Variants in PRKAR1B observed in about 807,000 individuals in gnomAD.
The protein encoded by PRKAR1B is protein kinase cAMP-dependent type I regulatory subunit beta, also known as cAMP-dependent protein kinase type I-beta regulatory subunit.
In PRKAR1B, 22 loss-of-function variants were observed where a neutral mutation model predicts 46.5. That is an observed-to-expected ratio of 0.47 (90% CI 0.34 to 0.68). The LOEUF (loss-of-function observed/expected upper bound fraction) is 0.68, where lower values mean the gene tolerates loss of function less well. PRKAR1B is among the 30% of genes least tolerant of loss of function. The pLI is 0.01. For missense variants in PRKAR1B, 445 were observed against 535.6 expected (o/e 0.83, Z 1.67); for synonymous variants, 259 against 217.7 (o/e 1.19, Z -1.67).
intron 2 of PRKAR1B, among the ~76,000 whole-genome samples, chr7:682,857 T>C (rs962239201): frequency 1.3e-5 from 2 of 152,152 alleles, no homozygotes; most frequent in South Asian, 2.1e-4. Flanking sequence ...TTCACCTTGG[T>C]CACTCATGCC....
At position 623,365 on chromosome 7, in the gene PRKAR1B, A is replaced by G. The variant is rs183108024; in HGVS notation, c.441-15913T>C. ...GGTAACAACAATTCTCTCTCTGGCC[A>G]AACTTTAGTCAGGTTCCAGAACCTT... On this transcript the variant is annotated intron_variant, in intron 4 of 10. Transcript: ENST00000537384. 5.3e-5 allele frequency among the ~76,000 whole-genome samples: 8 copies of G among 152,314 alleles called. No individual in the cohort carries two copies. The East Asian group carries it at 5.8e-4, about 11-fold the overall frequency.
At chr7:600,702 G>C (rs1035660900) in intron 6 of PRKAR1B, among the ~76,000 whole-genome samples, 1 of 152,146 alleles carries the variant, frequency 6.6e-6, no homozygotes, top group East Asian at 1.9e-4. Context: ...TGGGGACGTC[G>C]TGATGCCTGG....
At chr7:660,696 A>G (rs1418963179) in intron 4 of PRKAR1B, among the ~76,000 whole-genome samples, 126 of 64,102 alleles carry the variant, frequency 2.0e-3, no homozygotes, top group Admixed American at 3.5e-3. Context: ...CACCCCAACA[A>G]ATCCAAATAC....
chr7:611,823 G>A (rs1680750819), intron 4 of PRKAR1B, among the ~76,000 whole-genome samples: 1 of 149,922 alleles, frequency 6.7e-6, no homozygotes, highest in African/African-American at 2.5e-5. Flanking sequence ...GAACAGGTGG[G>A]TGAGCGGATG....
At chr7:609,069 G>T (rs1782318322) in intron 4 of PRKAR1B, among the ~76,000 whole-genome samples, 1 of 150,706 alleles carries the variant, frequency 6.6e-6, no homozygotes, top group Admixed American at 6.6e-5. Context: ...GGGTGGCAGG[G>T]CTGTAGGGAG....
At chr7:620,310 C>T (rs1004046736) in intron 4 of PRKAR1B, among the ~76,000 whole-genome samples, 3 of 152,202 alleles carry the variant, frequency 2.0e-5, no homozygotes, top group South Asian at 4.1e-4. Flanking sequence ...CTATTCAGAT[C>T]GTGTTTTATG....
intron 9 of PRKAR1B, among the ~76,000 whole-genome samples, chr7:567,885 G>A (rs970505697): frequency 9.2e-5 from 14 of 152,084 alleles, no homozygotes; most frequent in Non-Finnish European, 1.5e-4. Context: ...GGAGAGGGGG[G>A]TGGGGAGTGT....
At chr7:652,008 G>A (rs1784926991) in intron 4 of PRKAR1B, among the ~76,000 whole-genome samples, 1 of 81,474 alleles carries the variant, frequency 1.2e-5, no homozygotes, top group Non-Finnish European at 2.4e-5. Context: ...CTAGGAACCT[G>A]GGGAAACCCC....
chr7:570,374 C>CG (rs1041811868), intron 9 of PRKAR1B, among the ~76,000 whole-genome samples: 1 of 152,168 alleles, frequency 6.6e-6, no homozygotes. Context: ...TCAAGGAGCT[C>CG]GGGGGGCCTG....
chr7:561,126 CACACAA>C (rs1000036084), intron 9 of PRKAR1B, among the ~76,000 whole-genome samples: 9 of 149,032 alleles, frequency 6.0e-5, no homozygotes, highest in African/African-American at 2.0e-4. Context: ...CACACACAGG[CACACAA>C]ACACACACAC....
At chr7:652,532 C>T (rs548550341) in intron 4 of PRKAR1B, among the ~76,000 whole-genome samples, 36 of 152,212 alleles carry the variant, frequency 2.4e-4, no homozygotes, top group Non-Finnish European at 4.4e-4. Context: ...AAACCCCTCT[C>T]GGAAGAAAGT....
chr7:645,789 C>T (rs1175378501), intron 4 of PRKAR1B, among the ~76,000 whole-genome samples: 2 of 152,052 alleles, frequency 1.3e-5, no homozygotes, highest in South Asian at 2.1e-4. Flanking sequence ...GGGAGGGGAC[C>T]GTGAGGTCAG....
intron 4 of PRKAR1B, 61 bp from the exon 5 acceptor site, chr7:607,513 C>T (rs1782164610): frequency 1.4e-6 from 2 of 1,392,082 alleles, no homozygotes; most frequent in East Asian, 2.3e-5. Flanking sequence ...TAAACCCTTC[C>T]TCCCCTCATT....
At chr7:580,397 A>G (rs929775177) in intron 8 of PRKAR1B, among the ~76,000 whole-genome samples, 6 of 120,624 alleles carry the variant, frequency 5.0e-5, no homozygotes, top group African/African-American at 2.0e-4. Flanking sequence ...CTACTAAAAT[A>G]CAAAAAAAAT....
At chr7:609,457 T>C (rs1229382377) in intron 4 of PRKAR1B, among the ~76,000 whole-genome samples, 1 of 152,020 alleles carries the variant, frequency 6.6e-6, no homozygotes, top group Non-Finnish European at 1.5e-5. Flanking sequence ...CTGTCCAGCA[T>C]CACAGCTGCG....
chr7:577,329 C>A (rs540886376), intron 9 of PRKAR1B, among the ~76,000 whole-genome samples: 28 of 152,338 alleles, frequency 1.8e-4, no homozygotes, highest in African/African-American at 6.5e-4. Context: ...TCACTGCCCA[C>A]AGCTGCGGGT....
chr7:561,683 A>G (rs1398764744), intron 9 of PRKAR1B, among the ~76,000 whole-genome samples: 1 of 152,264 alleles, frequency 6.6e-6, no homozygotes, highest in African/African-American at 2.4e-5. Context: ...CCTCGGGACG[A>G]CAGCGAAAAC....
At chr7:595,768 G>A (rs763868141) in intron 7 of PRKAR1B, among the ~76,000 whole-genome samples, 2 of 152,222 alleles carry the variant, frequency 1.3e-5, no homozygotes, top group Non-Finnish European at 2.9e-5. Context: ...CAGGAAGCCC[G>A]TGGGTGAGCA....
intron 6 of PRKAR1B, among the ~76,000 whole-genome samples, chr7:605,160 A>T (rs1012941450): frequency 6.6e-6 from 1 of 152,216 alleles, no homozygotes; most frequent in Non-Finnish European, 1.5e-5. Flanking sequence ...AGAGCAGGGG[A>T]CACACACCAA....
Sources: gnomAD v4.1 joint callset for allele counts (sites outside exome capture counted in the v4.1 genomes callset) on GRCh38, gnomAD v4.1.1 for gene constraint, MANE v1.5 for transcripts, NCBI Gene and HGNC (gene_info 2026-07-23, HGNC 2026-07-21) for gene names.